The following CDH9 variants were observed in gnomAD, a reference collection of about 807,000 sequenced individuals.
CDH9 encodes the protein cadherin 9.
CDH9 carries 28 observed loss-of-function variants against 70.9 expected under a neutral mutation model. The observed-to-expected ratio is 0.40, with a 90% CI of 0.29 to 0.54. The LOEUF is 0.54. Ranked by LOEUF, CDH9 falls within the 20% of genes least tolerant of loss-of-function variation. CDH9 has a pLI of 0.59. For synonymous variants in CDH9, 409 were observed against 343.1 expected, an observed-to-expected ratio of 1.19 and a Z score of -2.12; for missense variants, 874 against 984.4, an observed-to-expected ratio of 0.89 and a Z score of 1.50.
At chr5:26,977,699 C>G (rs1414653062) in intron 2 of CDH9, among the ~76,000 whole-genome samples, 1 of 151,852 alleles carries the variant, frequency 6.6e-6, no homozygotes, top group Non-Finnish European at 1.5e-5. Flanking sequence ...GAGAAAGATC[C>G]AGGAATGGAG....
At chr5:26,982,391 A>G (rs1013292988) in intron 2 of CDH9, among the ~76,000 whole-genome samples, 7 of 152,320 alleles carry the variant, frequency 4.6e-5, no homozygotes, top group Admixed American at 4.6e-4. Context: ...AGAACAGCAA[A>G]GAGGAAGTTT....
At chr5:26,958,737 A>C (rs1741987049) in intron 2 of CDH9, among the ~76,000 whole-genome samples, 1 of 152,308 alleles carries the variant, frequency 6.6e-6, no homozygotes, top group South Asian at 2.1e-4. Context: ...ATTCACTGTA[A>C]AAGAAGGATA....
rs1246553838 is a variant in CDH9 at position 26,933,165 on chromosome 5, A to G, written c.229-17241T>C. 2.0e-5 allele frequency among the ~76,000 whole-genome samples: 3 copies of G among 147,824 alleles called. No homozygotes were observed. The East Asian group carries it at 5.8e-4, about 29-fold the overall frequency. ...TAACTTGAATATATATAATTAATAA[A>G]TATATATGATTTTATATAATTGCAT... On this transcript the variant is annotated intron_variant, in intron 2 of 11. Coordinates refer to ENST00000231021, the MANE Select transcript of CDH9 (RefSeq NM_016279.4).
chr5:26,886,160 G>A, intron 9 of CDH9, 77 bp from the exon 10 acceptor site: 1 of 1,455,650 alleles, frequency 6.9e-7, no homozygotes, highest in Non-Finnish European at 9.2e-7. Flanking sequence ...TTAAATCCAT[G>A]TATTTGTGCT....
chr5:26,900,112 TA>T (rs1343308145), intron 7 of CDH9, among the ~76,000 whole-genome samples: 1 of 151,764 alleles, frequency 6.6e-6, no homozygotes, highest in African/African-American at 2.4e-5. Flanking sequence ...CCCTGAGAGA[TA>T]AAAAATTAAA....
intron 1 of CDH9, among the ~76,000 whole-genome samples, chr5:26,990,072 T>G (rs1042269704): frequency 6.6e-6 from 1 of 152,126 alleles, no homozygotes; most frequent in Non-Finnish European, 1.5e-5. Flanking sequence ...GTTTTTAATA[T>G]AAGACAATGC....
intron 2 of CDH9, among the ~76,000 whole-genome samples, chr5:26,920,005 A>C (rs1741216494): frequency 6.6e-6 from 1 of 152,008 alleles, no homozygotes; most frequent in African/African-American, 2.4e-5. Context: ...TGCTTGAGGG[A>C]AGCAGAGGGA....
chr5:26,945,244 A>G lies in CDH9; in HGVS notation c.229-29320T>C, dbSNP rs148460855. Among the ~76,000 whole-genome samples the G allele has an allele frequency of 4.3e-3, 651 of 151,838 alleles. 4 individuals carry two copies. Among genetic ancestry groups the G allele is most frequent in the African/African-American group, 0.015 (609 of 41,392 alleles). On this transcript the variant is annotated intron_variant, in intron 2 of 11. Coordinates refer to ENST00000231021, the MANE Select transcript of CDH9 (RefSeq NM_016279.4). ...CTCACCTGAACCAATTGCATGACTA[A>G]TATCCAATGGCTACTGAGAAATGAA...
At chr5:26,939,377 G>A (rs537310692) in intron 2 of CDH9, among the ~76,000 whole-genome samples, 36 of 151,524 alleles carry the variant, frequency 2.4e-4, no homozygotes, top group African/African-American at 8.4e-4. Context: ...TTTCACAAAA[G>A]AAATTATAAA....
intron 3 of CDH9, among the ~76,000 whole-genome samples, chr5:26,907,349 G>A (rs1436504632): frequency 6.6e-6 from 1 of 152,022 alleles, no homozygotes; most frequent in East Asian, 1.9e-4. Flanking sequence ...AAATTGACCT[G>A]CAAGATATTT....
chr5:26,973,261 T>C (rs1742251472), intron 2 of CDH9, among the ~76,000 whole-genome samples: 1 of 152,134 alleles, frequency 6.6e-6, no homozygotes, highest in African/African-American at 2.4e-5. Context: ...GACTACTGAA[T>C]GTGCTCTCTA....
chr5:26,902,812 G>T, intron 6 of CDH9, 83 bp from the exon 7 acceptor site: 1 of 721,552 alleles, frequency 1.4e-6, no homozygotes, highest in East Asian at 2.7e-5. Context: ...AATAGCCAGC[G>T]ATCATGATTA....
chr5:26,926,661 A>T (rs1452554093), intron 2 of CDH9, among the ~76,000 whole-genome samples: 1 of 152,106 alleles, frequency 6.6e-6, no homozygotes, highest in Non-Finnish European at 1.5e-5. Context: ...AATAGGACAA[A>T]GCTGGAGGCA....
chr5:27,012,256 T>A (rs1170589665), intron 1 of CDH9, among the ~76,000 whole-genome samples: 1 of 152,022 alleles, frequency 6.6e-6, no homozygotes, highest in East Asian at 1.9e-4. Context: ...CCGTTGTTTT[T>A]ATTTGTGTTA....
intron 2 of CDH9, among the ~76,000 whole-genome samples, chr5:26,941,292 C>T (rs1741657983): frequency 6.6e-6 from 1 of 152,190 alleles, no homozygotes; most frequent in Non-Finnish European, 1.5e-5. Flanking sequence ...CATACATTTG[C>T]TATGTCATCA....
intron 2 of CDH9, among the ~76,000 whole-genome samples, chr5:26,952,343 C>G (rs1238684773): frequency 7.0e-6 from 1 of 142,848 alleles, no homozygotes; most frequent in African/African-American, 2.6e-5. Context: ...GGCCGGGCGT[C>G]TTGGCTCACG....
At chr5:27,012,661 A>C (rs571031732) in intron 1 of CDH9, among the ~76,000 whole-genome samples, 1 of 152,174 alleles carries the variant, frequency 6.6e-6, no homozygotes, top group South Asian at 2.1e-4. Context: ...TACAAGACCC[A>C]AAAAATCAAA....
At chr5:26,893,331 C>T (rs1188012140) in intron 7 of CDH9, among the ~76,000 whole-genome samples, 2 of 152,044 alleles carry the variant, frequency 1.3e-5, no homozygotes, top group Non-Finnish European at 2.9e-5. Flanking sequence ...TTGGTGTCAT[C>T]TCAGTGGTGG....
At chr5:26,977,862 A>G (rs766075344) in intron 2 of CDH9, among the ~76,000 whole-genome samples, 5 of 152,074 alleles carry the variant, frequency 3.3e-5, no homozygotes, top group Admixed American at 6.6e-5. Context: ...TTTTAAGTAG[A>G]TGTGCTTGGT....
Sources: gnomAD v4.1 joint callset for allele counts (sites outside exome capture counted in the v4.1 genomes callset) on GRCh38, gnomAD v4.1.1 for gene constraint, MANE v1.5 for transcripts, NCBI Gene and HGNC (gene_info 2026-07-23, HGNC 2026-07-21) for gene names.